SLX4: variants seen among roughly 807,000 people sequenced by gnomAD.
SLX4 encodes SLX4 structure-specific endonuclease subunit, also known as structure-specific endonuclease subunit SLX4.
In SLX4, 112 loss-of-function variants were observed where a neutral mutation model predicts 146.2. The ratio of observed to expected loss-of-function variants is 0.77; its 90% CI spans 0.66 to 0.90. The LOEUF (loss-of-function observed/expected upper bound fraction) is 0.90, where lower values mean the gene tolerates loss of function less well. Among genes scored for constraint, SLX4 ranks in the 40% least tolerant of loss-of-function variants. SLX4 has a pLI of 0.00. For synonymous variants in SLX4, 1,061 were observed against 997.7 expected, an observed-to-expected ratio of 1.06 and a Z score of -1.20; for missense variants, 2,563 against 2,392.7, an observed-to-expected ratio of 1.07 and a Z score of -1.49.
chr16:3,600,428 C>T (rs13335490), intron 5 of SLX4, among the ~76,000 whole-genome samples: 9,792 of 152,000 alleles, frequency 0.064, 333 homozygotes, highest in Admixed American at 0.074. Context: ...GAAAACAGTG[C>T]GAAGATCATT....
At chr16:3,587,879 G>A (rs1329440330) in intron 12 of SLX4, among the ~76,000 whole-genome samples, 2 of 152,134 alleles carry the variant, frequency 1.3e-5, no homozygotes, top group Admixed American at 1.3e-4. Flanking sequence ...CTTTCTCCCA[G>A]TCATGCTCAG....
In SLX4 at chr16:3,590,542, C is replaced by T. The variant is rs778053072; in HGVS notation, c.3096G>A (p.Pro1032=). The change falls in exon 12 of 15, where the codon CCG becomes CCA. Residue 1032 remains proline, a synonymous_variant. Coordinates refer to ENST00000294008, the MANE Select transcript of SLX4 (RefSeq NM_032444.4). This position sits in a 1 kb window ranked among gnomAD's most constrained non-coding sequence, Gnocchi z 4.8. ...GGGGAGGCCCCAATAGGAAGCGGCA[C>T]GGGTGCGGTGGAGATGCCTGCCAGG... ...LAPWQASPPH[P]CRFLLGPPQG... 10 of 1,612,754 alleles carry T rather than the reference C, an allele frequency of 6.2e-6. No homozygotes were observed. The highest frequency in any genetic ancestry group is 4.5e-5 in the East Asian group (2 of 44,864).
chr16:3,586,642 C>G (rs2040511288), intron 12 of SLX4, among the ~76,000 whole-genome samples: 1 of 152,000 alleles, frequency 6.6e-6, no homozygotes, highest in Admixed American at 6.6e-5. Context: ...GAAACCCCAT[C>G]TGTACTAAAA....
rs910644013 is a variant in SLX4 at position 3,597,117 on chromosome 16, G to A, written c.1683+262C>T. ...ATTACGGGCGTGAGCCACTGCGCCC[G>A]GCCGGGACTCTGCATTTTCAACAAA... is the stretch of plus-strand genomic sequence containing the variant. On this transcript the variant is annotated intron_variant, in intron 7 of 14. Transcript: ENST00000294008. The surrounding 1 kb of genome is among the most constrained non-coding windows in gnomAD (Gnocchi z 4.4). Among the ~76,000 whole-genome samples the A allele has an allele frequency of 6.6e-6, 1 of 152,108 alleles. No individual in the cohort carries two copies. Among genetic ancestry groups the A allele is most frequent in the Non-Finnish European group, 1.5e-5 (1 of 68,022 alleles).
At position 3,590,942 on chromosome 16, in the gene SLX4, T is replaced by G. The variant is rs1271024061; in HGVS notation, c.2696A>C (p.Gln899Pro). Residue 899 changes from glutamine (Q) to proline (P), a missense_variant, in exon 12 of 15, where the codon CAG becomes CCG. Coordinates refer to ENST00000294008, the MANE Select transcript of SLX4 (RefSeq NM_032444.4). The surrounding 1 kb of genome is among the most constrained non-coding windows in gnomAD (Gnocchi z 4.8). ...CTCCATCTCCTCCACCTTGTCCCACTGTTTCTGCACCTGGACACCTGCTAG... is the reference window on the plus strand; with the variant it reads ...CTCCATCTCCTCCACCTTGTCCCACGGTTTCTGCACCTGGACACCTGCTAG... Reference protein sequence around the residue: ...QLLAGVQVQKQWDKVEEMEPL... With the variant: ...QLLAGVQVQKPWDKVEEMEPL... The G allele has an allele frequency of 6.2e-7, 1 of 1,614,104 alleles. No homozygotes were observed. Among genetic ancestry groups the G allele is most frequent in the African/African-American group, 1.3e-5 (1 of 74,940 alleles).
In SLX4 at chr16:3,597,837, C is replaced by T. The variant is rs1200680886; in HGVS notation, c.1326G>A (p.Arg442=). Residue 442 remains arginine, a synonymous_variant, in exon 6 of 15, where the codon AGG becomes AGA. Transcript: ENST00000294008. This position sits in a 1 kb window ranked among gnomAD's most constrained non-coding sequence, Gnocchi z 4.4. The stretch of plus-strand genomic sequence containing the variant: ...TCCTCTCAGAAAAGGCACTTTCCAG[C>T]CTGAGCGCTGGTACAGCCGCACCCG... ...MEPGAAVPAL[R]LESAFSERIR... is the part of the protein sequence containing the mutation. 4 of 1,614,022 alleles carry T rather than the reference C, an allele frequency of 2.5e-6. No homozygotes were observed. In the East Asian group the frequency reaches 8.9e-5, roughly 36 times the overall value.
At chr16:3,605,321 C>T (rs2040770393) in intron 3 of SLX4, among the ~76,000 whole-genome samples, 2 of 152,042 alleles carry the variant, frequency 1.3e-5, no homozygotes, top group Admixed American at 1.3e-4. Context: ...AATCTCCTGA[C>T]CTTGTGATCT....
rs1338913020 is a variant in SLX4 at position 3,596,140 on chromosome 16, C to T, written c.1924+13G>A. On this transcript the variant is annotated intron_variant, in intron 8 of 14. Coordinates refer to ENST00000294008, the MANE Select transcript of SLX4 (RefSeq NM_032444.4). ...GGGCAGGGCTGGCCCTAGAGTCCCA[C>T]CCAGCATCTCACCTGCAGTCCCTTC... 1 of 1,547,870 alleles carries T rather than the reference C, an allele frequency of 6.5e-7. No individual in the cohort carries two copies. Among genetic ancestry groups the T allele is most frequent in the Non-Finnish European group, 8.7e-7 (1 of 1,148,544 alleles).
Position 3,590,436 on chromosome 16 carries a change from C to G in SLX4, c.3202G>C (p.Val1068Leu), listed in dbSNP as rs1191491201. The change falls in exon 12 of 15, where the codon GTG (valine) becomes CTG (leucine). Residue 1068 changes from valine to leucine, a missense_variant. Coordinates refer to ENST00000294008, the MANE Select transcript of SLX4 (RefSeq NM_032444.4). This position sits in a 1 kb window ranked among gnomAD's most constrained non-coding sequence, Gnocchi z 4.8. The part of the protein sequence containing the change: ...TPRSRGGTSQ[V>L]GSPTLLSPAV... ...GGAGACAGCAAGGTTGGGGAGCCCACCTGGGAAGTTCCGCCACGGGACCGG... is the reference window on the plus strand; with the variant it reads ...GGAGACAGCAAGGTTGGGGAGCCCAGCTGGGAAGTTCCGCCACGGGACCGG... 6.2e-7 allele frequency: 1 copy of G among 1,614,208 alleles called. No individual in the cohort carries two copies. Among genetic ancestry groups the G allele is most frequent in the Admixed American group, 1.7e-5 (1 of 60,030 alleles).
chr16:3,604,302 G>C (rs969489785), intron 3 of SLX4, among the ~76,000 whole-genome samples: 1 of 151,496 alleles, frequency 6.6e-6, no homozygotes, highest in African/African-American at 2.4e-5. Context: ...GGATACTGCT[G>C]AGCTACAGCA....
rs952224118 is a variant in SLX4 at position 3,591,382 on chromosome 16, C to T, written c.2328-72G>A. On this transcript the variant is annotated intron_variant, in intron 11 of 14. Coordinates refer to ENST00000294008, the MANE Select transcript of SLX4 (RefSeq NM_032444.4). ...GGCTCTGGGTGCCCCGGTGGGGTGG[C>T]GGACCAGAGCAGAGTCTTCACCAGG... 9.3e-5 allele frequency: 148 copies of T among 1,588,090 alleles called. No homozygotes were observed. The South Asian group carries it at 1.5e-3, about 17-fold the overall frequency.
chr16:3,592,598 C>A lies in SLX4; in HGVS notation c.2327+101G>T, dbSNP rs538355664. The A allele has an allele frequency of 1.1e-4, 156 of 1,360,820 alleles. No individual in the cohort carries two copies. In the African/African-American group the frequency reaches 2.0e-3, roughly 18 times the overall value. The allele number at this position is 1,360,820 out of a possible 1,614,324, so 84.3% of individuals were successfully genotyped here. A position where few individuals can be genotyped will look rare whatever the true frequency, so the allele number is the denominator to read the frequency against. ...AAAGGTATAAACAGGACTGTTAGTT[C>A]TCTTGGCCTCAGCCCCGAGCCCTCT... is the stretch of plus-strand genomic sequence containing the variant. On this transcript the variant is annotated intron_variant, in intron 11 of 14. Transcript: ENST00000294008.
chr16:3,584,934 C>A lies in SLX4; in HGVS notation c.4637-63G>T, dbSNP rs867062778. The A allele has an allele frequency of 2.8e-5, 33 of 1,160,370 alleles. No individual in the cohort carries two copies. In the Middle Eastern group the frequency reaches 3.1e-3, roughly 108 times the overall value. 71.9% of individuals were successfully genotyped at this position (1,160,370 alleles called of 1,614,324 possible). A position where few individuals can be genotyped will look rare whatever the true frequency, so the allele number is the denominator to read the frequency against. On this transcript the variant is annotated intron_variant, in intron 12 of 14. Transcript: ENST00000294008. Reference sequence around the variant, plus strand: ...GGACACGGATTTCCCACATCTGATCCCAGTAGCGTGACCAAGAGGAATAAT... The same window carrying A: ...GGACACGGATTTCCCACATCTGATCACAGTAGCGTGACCAAGAGGAATAAT...
intron 12 of SLX4, among the ~76,000 whole-genome samples, chr16:3,585,214 C>G (rs1255335033): frequency 6.6e-6 from 1 of 152,214 alleles, no homozygotes; most frequent in Non-Finnish European, 1.5e-5. Context: ...ATGGGCCACA[C>G]TGATACTCTT....
chr16:3,588,049 C>T (rs796087499), intron 12 of SLX4, among the ~76,000 whole-genome samples: 5 of 152,306 alleles, frequency 3.3e-5, no homozygotes, highest in African/African-American at 1.2e-4. Flanking sequence ...GGCCTAACAG[C>T]CTCTCACACT....
intron 12 of SLX4, 22 bp downstream of exon 12, chr16:3,588,980 C>G (rs576703600): frequency 6.2e-7 from 1 of 1,613,822 alleles, no homozygotes; most frequent in South Asian, 1.1e-5. Context: ...AGTCCCCTTC[C>G]CCAGCTCTCC....
intron 12 of SLX4, among the ~76,000 whole-genome samples, chr16:3,588,418 T>C (rs2040532937): frequency 6.6e-6 from 1 of 152,268 alleles, no homozygotes; most frequent in South Asian, 2.1e-4. Flanking sequence ...CACTCCTCTT[T>C]GTGGCTGAAC....
intron 2 of SLX4, among the ~76,000 whole-genome samples, chr16:3,607,639 A>G (rs1274359573): frequency 3.3e-5 from 5 of 152,124 alleles, no homozygotes; most frequent in Admixed American, 2.0e-4. Flanking sequence ...AAGCTATGAT[A>G]GCACCACTGC....
intron 10 of SLX4, among the ~76,000 whole-genome samples, 163 bp from the exon 11 acceptor site, chr16:3,593,028 T>C (rs550543940): frequency 1.3e-5 from 2 of 152,294 alleles, no homozygotes; most frequent in Admixed American, 1.3e-4. Flanking sequence ...GGTGTGATCA[T>C]GGCTTACTGC....
Sources: allele counts gnomAD v4.1 joint callset (sites outside exome capture counted in the v4.1 genomes callset), GRCh38; gene constraint gnomAD v4.1.1; non-coding constraint Gnocchi (gnomAD v3.1); transcripts MANE v1.5; gene names NCBI Gene and HGNC (gene_info 2026-07-23, HGNC 2026-07-21).